The following PLCXD3 variants were observed in gnomAD, a reference collection of about 807,000 sequenced individuals.
PLCXD3 encodes the protein PI-PLC X domain-containing protein 3.
PLCXD3 carries 19 observed loss-of-function variants against 25.5 expected under a neutral mutation model. That is an observed-to-expected ratio of 0.75 (90% CI 0.52 to 1.09). The LOEUF is 1.09. PLCXD3 is among the 50% of genes least tolerant of loss of function. The pLI is 0.00. For synonymous variants in PLCXD3, 174 were observed against 137.6 expected (o/e 1.26, Z -1.85); for missense variants, 411 against 388.1 (o/e 1.06, Z -0.50).
At chr5:41,392,400 G>C (rs548904346) in intron 1 of PLCXD3, among the ~76,000 whole-genome samples, 14 of 152,134 alleles carry the variant, frequency 9.2e-5, no homozygotes, top group Non-Finnish European at 1.6e-4. Flanking sequence ...TAAGAGAAGA[G>C]AACAAGAGTC....
At chr5:41,478,062 A>G (rs1295602288) in intron 1 of PLCXD3, among the ~76,000 whole-genome samples, 1 of 152,228 alleles carries the variant, frequency 6.6e-6, no homozygotes, top group African/African-American at 2.4e-5. Flanking sequence ...ATGGCTAACT[A>G]CTATTCCACC....
At chr5:41,340,842 A>G (rs1161785240) in intron 2 of PLCXD3, among the ~76,000 whole-genome samples, 2 of 152,180 alleles carry the variant, frequency 1.3e-5, no homozygotes, top group Non-Finnish European at 2.9e-5. Context: ...AGTGGAAGTT[A>G]TTTGAAAATA....
chr5:41,502,103 A>C (rs982472582), intron 1 of PLCXD3, among the ~76,000 whole-genome samples: 2 of 152,078 alleles, frequency 1.3e-5, no homozygotes, highest in African/African-American at 4.8e-5. Context: ...GGAAAGAGAG[A>C]GTGGATAAAT....
At chr5:41,370,543 G>T (rs115819047) in intron 2 of PLCXD3, among the ~76,000 whole-genome samples, 4,196 of 152,230 alleles carry the variant, frequency 0.028, 100 homozygotes, top group Non-Finnish European at 0.036. Context: ...GGTAGGACAC[G>T]CTTACAGCAA....
At chr5:41,451,958 A>G (rs779711723) in intron 1 of PLCXD3, among the ~76,000 whole-genome samples, 6 of 152,018 alleles carry the variant, frequency 3.9e-5, no homozygotes, top group African/African-American at 9.7e-5. Context: ...TTTTGTGTGC[A>G]TGTTGAGAAA....
Position 41,313,503 on chromosome 5 carries a change from G to T in PLCXD3, c.*114C>A. 1.6e-6 allele frequency: 2 copies of T among 1,268,776 alleles called. No homozygotes were observed. The highest frequency in any genetic ancestry group is 2.3e-6 in the Non-Finnish European group (2 of 885,744). 78.6% of individuals were successfully genotyped at this position (1,268,776 alleles called of 1,614,324 possible). On this transcript the variant is annotated 3_prime_UTR_variant, in exon 3 of 3. Coordinates refer to ENST00000377801, the MANE Select transcript of PLCXD3 (RefSeq NM_001005473.3). ...TTTCCCCTTTTCCCACCCACTACCA[G>T]CCCTATTCCCTTCAGAGACTCAGTG...
At chr5:41,459,550 T>C (rs1457864129) in intron 1 of PLCXD3, among the ~76,000 whole-genome samples, 1 of 151,824 alleles carries the variant, frequency 6.6e-6, no homozygotes, top group African/African-American at 2.4e-5. Flanking sequence ...TCAAGTCCCT[T>C]TAGGATATCA....
intron 2 of PLCXD3, among the ~76,000 whole-genome samples, chr5:41,332,212 A>T (rs111847951): frequency 0.16 from 24,204 of 151,346 alleles, 2,997 homozygotes; most frequent in East Asian, 0.36. Flanking sequence ...AGGGCTAATA[A>T]CCAGAATCTA....
intron 1 of PLCXD3, among the ~76,000 whole-genome samples, chr5:41,428,386 TTGTTTTTG>T (rs1176026154): frequency 6.9e-6 from 1 of 145,050 alleles, no homozygotes; most frequent in Non-Finnish European, 1.5e-5. Flanking sequence ...TTTTTTGTTT[TTGTTTTTG>T]TTTTTTTTAG....
intron 1 of PLCXD3, among the ~76,000 whole-genome samples, chr5:41,416,249 T>C (rs1489814769): frequency 6.6e-6 from 1 of 152,116 alleles, no homozygotes; most frequent in East Asian, 1.9e-4. Context: ...GGTGAGGAGA[T>C]CTAGAAGGAA....
intron 1 of PLCXD3, among the ~76,000 whole-genome samples, chr5:41,407,930 T>C (rs1561264155): frequency 1.3e-5 from 2 of 152,318 alleles, no homozygotes; most frequent in Middle Eastern, 3.4e-3. Context: ...TTTAAGTCTT[T>C]TGATCCAATA....
intron 2 of PLCXD3, among the ~76,000 whole-genome samples, chr5:41,332,765 TA>T (rs1024568999): frequency 1.1e-3 from 171 of 152,182 alleles, no homozygotes; most frequent in Non-Finnish European, 1.6e-3. Flanking sequence ...TATACAGCCA[TA>T]AAAAATGATG....
chr5:41,343,875 G>C (rs1272419819), intron 2 of PLCXD3, among the ~76,000 whole-genome samples: 1 of 152,036 alleles, frequency 6.6e-6, no homozygotes, highest in Non-Finnish European at 1.5e-5. Context: ...TTATTTACTT[G>C]CTTAAGCACA....
chr5:41,395,730 C>T (rs1745982337), intron 1 of PLCXD3, among the ~76,000 whole-genome samples: 1 of 152,008 alleles, frequency 6.6e-6, no homozygotes, highest in Non-Finnish European at 1.5e-5. Context: ...TTCCTAGATA[C>T]ATTCAACCTA....
rs1743080761 is a variant in PLCXD3, at chr5:41,309,725, T to C, written c.*3892A>G. 1 of 152,104 alleles carries C rather than the reference T, an allele frequency of 6.6e-6. No homozygotes were observed. The highest frequency in any genetic ancestry group is 2.4e-5 in the African/African-American group (1 of 41,424). The allele number at this position is 152,104 out of a possible 1,614,324, so 9.4% of individuals were successfully genotyped here. ...CTTTAAGTGAAGATGTGTGTATGTG[T>C]TTGTAATTTATATTCTAGTCCATTA... On this transcript the variant is annotated 3_prime_UTR_variant, in exon 3 of 3. Transcript: ENST00000377801.
At chr5:41,493,436 A>G (rs963109359) in intron 1 of PLCXD3, among the ~76,000 whole-genome samples, 17 of 152,174 alleles carry the variant, frequency 1.1e-4, no homozygotes, top group East Asian at 3.9e-4. Context: ...CCAGCTGCAT[A>G]CTGGGAGAAC....
intron 1 of PLCXD3, among the ~76,000 whole-genome samples, chr5:41,482,940 C>T (rs1157277319): frequency 6.6e-6 from 1 of 152,272 alleles, no homozygotes; most frequent in African/African-American, 2.4e-5. Flanking sequence ...TCCCCTCCAC[C>T]CTAGCACTGG....
intron 1 of PLCXD3, among the ~76,000 whole-genome samples, chr5:41,483,770 A>C (rs2150523513): frequency 6.6e-6 from 1 of 152,312 alleles, no homozygotes; most frequent in South Asian, 2.1e-4. Context: ...ACAATATTTC[A>C]GTCTTAAAAG....
chr5:41,466,896 T>C (rs2150518765), intron 1 of PLCXD3, among the ~76,000 whole-genome samples: 1 of 152,294 alleles, frequency 6.6e-6, no homozygotes, highest in African/African-American at 2.4e-5. Context: ...TCTTCTCTTT[T>C]TTAAGGCTAA....
Sources: allele counts gnomAD v4.1 joint callset (sites outside exome capture counted in the v4.1 genomes callset), GRCh38; gene constraint gnomAD v4.1.1; transcripts MANE v1.5; gene names NCBI Gene and HGNC (gene_info 2026-07-23, HGNC 2026-07-21).